NT5C3A: variants seen among roughly 807,000 people sequenced by gnomAD.
NT5C3A encodes 5'-nucleotidase, cytosolic IIIA.
NT5C3A carries 23 observed loss-of-function variants against 40.0 expected under a neutral mutation model. That is an observed-to-expected ratio of 0.58 (90% confidence interval 0.41 to 0.81). NT5C3A has a LOEUF of 0.81. NT5C3A is among the 40% of genes least tolerant of loss of function. NT5C3A has a pLI of 0.00. For missense variants in NT5C3A, 328 were observed against 403.0 expected (o/e 0.81, Z 1.59); for synonymous variants, 130 against 141.4 (o/e 0.92, Z 0.57).
At chr7:33,031,752 G>A (rs2128002014) in intron 1 of NT5C3A, among the ~76,000 whole-genome samples, 1 of 152,032 alleles carries the variant, frequency 6.6e-6, no homozygotes, top group South Asian at 2.1e-4. Flanking sequence ...TTTTAACCAA[G>A]ACTAAAAAAA....
At position 33,015,182 on chromosome 7, in the gene NT5C3A, T is replaced by C. The variant is rs191440599; in HGVS notation, c.895-351A>G. Among the ~76,000 whole-genome samples the C allele has an allele frequency of 4.9e-3, 742 of 152,242 alleles. 25 individuals are homozygous for C. Among genetic ancestry groups the C allele is most frequent in the East Asian group, 5.2e-3 (27 of 5,186 alleles). ...GAAGACACAGAGGCCTCCTACAGAA[T>C]ACACATCCTCCCTTTTCCCAGTACC... On this transcript the variant is annotated intron_variant, in intron 8 of 8. Transcript: ENST00000610140.
At position 33,031,390 on chromosome 7, in the gene NT5C3A, C is replaced by T. The variant is rs187219728; in HGVS notation, c.139-4475G>A. On this transcript the variant is annotated intron_variant, in intron 1 of 8. Transcript: ENST00000610140. ...ATCACTTGGGCTCAGCAGCTCGAGA[C>T]CAGGCTGGGCAACGTGGCAAAACCC... Among the ~76,000 whole-genome samples the T allele has an allele frequency of 2.9e-3, 437 of 151,694 alleles. 1 individual carries two copies. Among genetic ancestry groups the T allele is most frequent in the South Asian group, 7.1e-3 (34 of 4,792 alleles).
chr7:33,019,782 T>C (rs1398189606), intron 5 of NT5C3A, 58 bp from the exon 6 acceptor site: 9 of 932,234 alleles, frequency 9.7e-6, no homozygotes, highest in Non-Finnish European at 1.6e-5. Context: ...AAAATTATTA[T>C]CTTTATTACA....
At chr7:33,050,497 T>C (rs2128015976) in intron 1 of NT5C3A, among the ~76,000 whole-genome samples, 1 of 152,308 alleles carries the variant, frequency 6.6e-6, no homozygotes. Context: ...ACTGATCTTT[T>C]TCACTGGGAA....
At chr7:33,057,416 T>C (rs2128020252) in intron 1 of NT5C3A, among the ~76,000 whole-genome samples, 1 of 152,092 alleles carries the variant, frequency 6.6e-6, no homozygotes, top group African/African-American at 2.4e-5. Context: ...CTGGCTACTC[T>C]GAAGGCGAGA....
At chr7:33,062,161 A>C (rs1409702022) in intron 1 of NT5C3A, among the ~76,000 whole-genome samples, 1 of 152,060 alleles carries the variant, frequency 6.6e-6, no homozygotes, top group Non-Finnish European at 1.5e-5. Context: ...CAACGGTTTG[A>C]CGCGGATCCG....
intron 2 of NT5C3A, among the ~76,000 whole-genome samples, chr7:33,024,906 G>A (rs534037215): frequency 4.6e-5 from 7 of 152,224 alleles, no homozygotes; most frequent in South Asian, 2.1e-4. Context: ...TTGGGAGGCC[G>A]AGGTGGGGAG....
At chr7:33,044,751 CT>C (rs1235049566) in intron 1 of NT5C3A, among the ~76,000 whole-genome samples, 4 of 152,108 alleles carry the variant, frequency 2.6e-5, no homozygotes, top group African/African-American at 9.7e-5. Flanking sequence ...ATTCAATCAA[CT>C]TGAAAAACTA....
Position 33,047,537 on chromosome 7 carries a change from T to C in NT5C3A, c.138+15031A>G, listed in dbSNP as rs574595215. Reference sequence around the variant, plus strand: ...AATACATTTTTAAATAGTTATGATATCCATGTGATATAATAGCATAAATAC... The same window carrying C: ...AATACATTTTTAAATAGTTATGATACCCATGTGATATAATAGCATAAATAC... On this transcript the variant is annotated intron_variant, in intron 1 of 8. Coordinates refer to ENST00000610140, the MANE Select transcript of NT5C3A (RefSeq NM_001002010.5). Among the ~76,000 whole-genome samples the C allele has an allele frequency of 6.2e-4, 94 of 152,270 alleles. 2 individuals are homozygous for C. Among genetic ancestry groups the C allele is most frequent in the Non-Finnish European group, 1.3e-3 (86 of 68,006 alleles).
At chr7:33,049,300 C>A (rs914335369) in intron 1 of NT5C3A, among the ~76,000 whole-genome samples, 1 of 152,120 alleles carries the variant, frequency 6.6e-6, no homozygotes, top group Non-Finnish European at 1.5e-5. Context: ...GAATCATCCC[C>A]ATTCTAGATA....
At chr7:33,047,148 CCTT>C (rs1327854468) in intron 1 of NT5C3A, among the ~76,000 whole-genome samples, 2 of 152,032 alleles carry the variant, frequency 1.3e-5, no homozygotes, top group South Asian at 4.1e-4. Context: ...ATTTTGGACT[CCTT>C]CTACATCTCA....
At chr7:33,034,732 A>G (rs1786487546) in intron 1 of NT5C3A, among the ~76,000 whole-genome samples, 1 of 152,198 alleles carries the variant, frequency 6.6e-6, no homozygotes, top group Non-Finnish European at 1.5e-5. Context: ...GATGAACAAG[A>G]GATTTATTAA....
At chr7:33,028,147 T>C (rs574347683) in intron 1 of NT5C3A, among the ~76,000 whole-genome samples, 10 of 152,338 alleles carry the variant, frequency 6.6e-5, no homozygotes, top group African/African-American at 2.4e-4. Flanking sequence ...TGGAGATAAC[T>C]GCCAAAAAGT....
chr7:33,062,756 TAGA>T lies in NT5C3A; in HGVS notation c.-54_-52del, dbSNP rs1328497846. Reference sequence around the variant, plus strand: ...GCAGGAAAAAAACAGGCAGCTCGCGTAGACTGCGAGTCTCGGAAGCGCGGGATC... The same window carrying T: ...GCAGGAAAAAAACAGGCAGCTCGCGTCTGCGAGTCTCGGAAGCGCGGGATC... On this transcript the variant is annotated 5_prime_UTR_variant, in exon 1 of 9. Coordinates refer to ENST00000610140, the MANE Select transcript of NT5C3A (RefSeq NM_001002010.5). 6.5e-7 allele frequency: 1 copy of T among 1,548,512 alleles called. No individual in the cohort carries two copies. The highest frequency in any genetic ancestry group is 1.2e-5 in the South Asian group (1 of 84,058).
chr7:33,015,555 C>T lies in NT5C3A; in HGVS notation c.894+115G>A, dbSNP rs1785274189. ...TCTAGCCTCGGTAACAGAGGCTTGT[C>T]TCAAAAAAAAAAGTCTCTAAAATAA... is the stretch of plus-strand genomic sequence containing the variant. On this transcript the variant is annotated intron_variant, in intron 8 of 8. Coordinates refer to ENST00000610140, the MANE Select transcript of NT5C3A (RefSeq NM_001002010.5). 41 of 689,196 alleles carry T rather than the reference C, an allele frequency of 5.9e-5. 1 individual carries two copies. In the South Asian group the frequency reaches 6.6e-4, roughly 11 times the overall value. 42.7% of individuals were successfully genotyped at this position (689,196 alleles called of 1,614,324 possible).
intron 1 of NT5C3A, among the ~76,000 whole-genome samples, chr7:33,047,046 A>T (rs1249871209): frequency 6.7e-6 from 1 of 149,664 alleles, no homozygotes; most frequent in Admixed American, 6.7e-5. Context: ...TGCTCAAGCG[A>T]TCCTCTCACC....
chr7:33,060,595 C>A (rs1468900066), intron 1 of NT5C3A, among the ~76,000 whole-genome samples: 1 of 152,122 alleles, frequency 6.6e-6, no homozygotes, highest in Non-Finnish European at 1.5e-5. Context: ...TCATTTTGAC[C>A]AAGTCCCAGA....
intron 2 of NT5C3A, among the ~76,000 whole-genome samples, chr7:33,025,163 A>C (rs1345408294): frequency 6.6e-6 from 1 of 152,098 alleles, no homozygotes; most frequent in South Asian, 2.1e-4. Context: ...AAATTAAATA[A>C]ATAAAAATAA....
intron 6 of NT5C3A, among the ~76,000 whole-genome samples, chr7:33,018,820 C>T (rs1481743700): frequency 2.0e-5 from 3 of 149,058 alleles, no homozygotes; most frequent in Admixed American, 6.7e-5. Flanking sequence ...GGTGACAGAG[C>T]GAGACTCCAT....
Sources: allele counts gnomAD v4.1 joint callset (sites outside exome capture counted in the v4.1 genomes callset), GRCh38; gene constraint gnomAD v4.1.1; transcripts MANE v1.5; gene names NCBI Gene and HGNC (gene_info 2026-07-23, HGNC 2026-07-21).